COG5: variants seen among roughly 807,000 people sequenced by gnomAD.
The protein encoded by COG5 is component of oligomeric golgi complex 5, also known as conserved oligomeric Golgi complex subunit 5.
COG5 carries 86 observed loss-of-function variants against 110.4 expected under a neutral mutation model. The observed-to-expected ratio is 0.78, with a 90% confidence interval of 0.65 to 0.93. The LOEUF is 0.93. Among genes scored for constraint, COG5 ranks in the 40% least tolerant of loss-of-function variants. COG5 has a pLI of 0.00. For synonymous variants in COG5, 360 were observed against 334.6 expected, an observed-to-expected ratio of 1.08 and a Z score of -0.83; for missense variants, 1,077 against 987.0, an observed-to-expected ratio of 1.09 and a Z score of -1.22.
intron 10 of COG5, among the ~76,000 whole-genome samples, chr7:107,345,747 T>C (rs892529453): frequency 6.6e-6 from 1 of 152,200 alleles, no homozygotes; most frequent in African/African-American, 2.4e-5. Context: ...AATTCTTTTA[T>C]CACAATTAAA....
chr7:107,348,178 A>C (rs1045815297), intron 10 of COG5, among the ~76,000 whole-genome samples: 5 of 149,652 alleles, frequency 3.3e-5, no homozygotes, highest in African/African-American at 1.2e-4. Context: ...TTCTACATCT[A>C]TTTTGATAGT....
chr7:107,237,527 A>G (rs1415403993), intron 17 of COG5, among the ~76,000 whole-genome samples: 3 of 152,254 alleles, frequency 2.0e-5, no homozygotes, highest in Non-Finnish European at 2.9e-5. Context: ...GTGATGGTCT[A>G]TAGAAGAACA....
chr7:107,272,450 T>A (rs1456353649), intron 14 of COG5, among the ~76,000 whole-genome samples: 8 of 152,188 alleles, frequency 5.3e-5, no homozygotes, highest in Non-Finnish European at 1.5e-5. Flanking sequence ...TCTGACCACC[T>A]TGGGCACGTG....
intron 5 of COG5, among the ~76,000 whole-genome samples, chr7:107,540,356 G>T (rs535513507): frequency 2.0e-3 from 301 of 151,528 alleles, no homozygotes; most frequent in Non-Finnish European, 3.5e-3. Context: ...AGTATCACTT[G>T]AGGCCAGGAG....
At chr7:107,431,632 T>C (rs1794032653) in intron 6 of COG5, among the ~76,000 whole-genome samples, 1 of 152,102 alleles carries the variant, frequency 6.6e-6, no homozygotes. Flanking sequence ...ATTTGCCACA[T>C]TGATTTTCTT....
intron 10 of COG5, among the ~76,000 whole-genome samples, chr7:107,335,038 CA>C (rs1359827931): frequency 6.6e-5 from 10 of 152,144 alleles, no homozygotes; most frequent in African/African-American, 2.4e-4. Context: ...AATTGATTCA[CA>C]GGTGTTTTCT....
intron 17 of COG5, among the ~76,000 whole-genome samples, chr7:107,242,230 A>C (rs1801699914): frequency 6.6e-6 from 1 of 152,210 alleles, no homozygotes; most frequent in Admixed American, 6.5e-5. Flanking sequence ...TCAAGGAAAC[A>C]ACCTGACCGA....
chr7:107,313,283 C>G (rs1562963969), intron 11 of COG5, among the ~76,000 whole-genome samples: 1 of 152,122 alleles, frequency 6.6e-6, no homozygotes, highest in Non-Finnish European at 1.5e-5. Flanking sequence ...TAAAACTGCA[C>G]CTGCCCCACA....
intron 7 of COG5, among the ~76,000 whole-genome samples, chr7:107,406,669 T>C (rs1301936162): frequency 1.3e-5 from 2 of 152,180 alleles, no homozygotes; most frequent in Admixed American, 1.3e-4. Flanking sequence ...AAGTAACCAT[T>C]CCTTTTTGAC....
chr7:107,442,955 T>A (rs1183472516), intron 6 of COG5, among the ~76,000 whole-genome samples: 2 of 152,140 alleles, frequency 1.3e-5, no homozygotes, highest in Non-Finnish European at 2.9e-5. Context: ...TATAATAATG[T>A]TTAAAAGATG....
chr7:107,466,422 G>GA (rs1375104343), intron 6 of COG5, among the ~76,000 whole-genome samples: 1 of 152,062 alleles, frequency 6.6e-6, no homozygotes, highest in Non-Finnish European at 1.5e-5. Context: ...AAATAAAAAT[G>GA]AAAAAAACGT....
rs140492057 is a variant in COG5, at chr7:107,424,008, C to T, written c.539-11376G>A. 2.2e-4 allele frequency among the ~76,000 whole-genome samples: 34 copies of T among 152,258 alleles called. No homozygotes were observed. The East Asian group carries it at 6.4e-3, about 28-fold the overall frequency. On this transcript the variant is annotated intron_variant, in intron 6 of 21. Transcript: ENST00000297135. ...GTTAGTGAGACTGAGCGCAGTGGCTCACATCCATAATCCTGACACTTCTGG... is the reference window on the plus strand; with the variant it reads ...GTTAGTGAGACTGAGCGCAGTGGCTTACATCCATAATCCTGACACTTCTGG...
chr7:107,537,738 TA>T (rs943575751), intron 5 of COG5, among the ~76,000 whole-genome samples: 21 of 137,982 alleles, frequency 1.5e-4, no homozygotes, highest in Admixed American at 6.6e-4. Flanking sequence ...AAGTATAATT[TA>T]AAAAAAAAAG....
rs565840712 is a variant in COG5 at position 107,244,627 on chromosome 7, G to A, written c.1853+3769C>T. 2.6e-5 allele frequency among the ~76,000 whole-genome samples: 4 copies of A among 151,262 alleles called. No homozygotes were observed. The South Asian group carries it at 8.3e-4, about 32-fold the overall frequency. On this transcript the variant is annotated intron_variant, in intron 17 of 21. Transcript: ENST00000297135. ...AATAAACACAATTAGACATGAGGAAGAAAATGTTACTACTGACCCCATAGG... is the reference window on the plus strand; with the variant it reads ...AATAAACACAATTAGACATGAGGAAAAAAATGTTACTACTGACCCCATAGG...
intron 6 of COG5, among the ~76,000 whole-genome samples, chr7:107,481,186 G>A (rs1428248607): frequency 6.6e-6 from 1 of 152,086 alleles, no homozygotes; most frequent in Non-Finnish European, 1.5e-5. Context: ...CTGCTTCCAT[G>A]AGAGCAATAT....
At chr7:107,420,226 A>G (rs1212555498) in intron 6 of COG5, among the ~76,000 whole-genome samples, 1 of 152,206 alleles carries the variant, frequency 6.6e-6, no homozygotes, top group Non-Finnish European at 1.5e-5. Flanking sequence ...TGAGACTCCA[A>G]CAGTGAAGAT....
At chr7:107,425,585 C>A (rs6979121) in intron 6 of COG5, among the ~76,000 whole-genome samples, 93,310 of 151,440 alleles carry the variant, frequency 0.62, 31,348 homozygotes, top group African/African-American at 0.9. Context: ...CTTACTATGA[C>A]GAAATAACAT....
chr7:107,385,805 C>CTTTTT (rs57758483), intron 7 of COG5, among the ~76,000 whole-genome samples: 1 of 122,332 alleles, frequency 8.2e-6, no homozygotes, highest in African/African-American at 3.0e-5. Context: ...TTGTTATTTT[C>CTTTTT]TTTTTTTTTT....
chr7:107,279,724 G>C (rs1404410498), intron 14 of COG5, among the ~76,000 whole-genome samples: 2 of 151,920 alleles, frequency 1.3e-5, no homozygotes, highest in Non-Finnish European at 2.9e-5. Context: ...ACACTAAAAT[G>C]AAAGTTGAAA....
Sources: gnomAD v4.1 joint callset for allele counts (sites outside exome capture counted in the v4.1 genomes callset) on GRCh38, gnomAD v4.1.1 for gene constraint, MANE v1.5 for transcripts, NCBI Gene and HGNC (gene_info 2026-07-23, HGNC 2026-07-21) for gene names.